The following VAT1L variants were observed in gnomAD, a reference collection of about 807,000 sequenced individuals.
The protein encoded by VAT1L is putative NADPH-dependent quinone oxidoreductase VAT1L.
VAT1L carries 34 observed loss-of-function variants against 44.1 expected under a neutral mutation model. That is an observed-to-expected ratio of 0.77 (90% CI 0.59 to 1.03). The LOEUF is 1.03. VAT1L is among the 50% of genes least tolerant of loss of function. The pLI, the probability that VAT1L is intolerant of heterozygous loss-of-function variation, is 0.00. For synonymous variants in VAT1L, 253 were observed against 202.2 expected, an observed-to-expected ratio of 1.25 and a Z score of -2.13; for missense variants, 615 against 538.8, an observed-to-expected ratio of 1.14 and a Z score of -1.40.
At chr16:77,935,427 T>C (rs2017782426) in intron 7 of VAT1L, among the ~76,000 whole-genome samples, 2 of 151,970 alleles carry the variant, frequency 1.3e-5, no homozygotes, top group South Asian at 4.2e-4. Context: ...GAGAATTTTT[T>C]TTCAAATACC....
intron 7 of VAT1L, among the ~76,000 whole-genome samples, chr16:77,971,518 TCTGA>T (rs2018277672): frequency 6.6e-6 from 1 of 152,254 alleles, no homozygotes; most frequent in African/African-American, 2.4e-5. Context: ...CAAAATCTAA[TCTGA>T]CTAATGCACC....
chr16:77,849,625 G>C (rs1265293827), intron 3 of VAT1L, among the ~76,000 whole-genome samples: 1 of 152,196 alleles, frequency 6.6e-6, no homozygotes, highest in Non-Finnish European at 1.5e-5. Context: ...GCTTTGAAAA[G>C]GGTCCTGTCC....
At chr16:77,970,906 A>T (rs994518254) in intron 7 of VAT1L, among the ~76,000 whole-genome samples, 7 of 152,374 alleles carry the variant, frequency 4.6e-5, no homozygotes, top group African/African-American at 1.7e-4. Context: ...TAACCATAGC[A>T]TCTAGGCTAG....
chr16:77,837,301 G>C (rs1026087982), intron 3 of VAT1L, among the ~76,000 whole-genome samples: 2 of 152,176 alleles, frequency 1.3e-5, no homozygotes, highest in Non-Finnish European at 2.9e-5. Context: ...TTGGTGCCTG[G>C]AGCTACCTTG....
chr16:77,877,237 G>A (rs375564529), intron 5 of VAT1L, among the ~76,000 whole-genome samples: 14 of 152,192 alleles, frequency 9.2e-5, no homozygotes, highest in African/African-American at 2.6e-4. Flanking sequence ...CAGGCCGGGC[G>A]CAGTGGCTCA....
At chr16:77,960,793 C>T (rs1182126374) in intron 7 of VAT1L, among the ~76,000 whole-genome samples, 1 of 152,088 alleles carries the variant, frequency 6.6e-6, no homozygotes, top group East Asian at 1.9e-4. Context: ...GGCTTCCAGC[C>T]ACCCCACCTC....
At chr16:77,858,909 G>C (rs1392772673) in intron 3 of VAT1L, among the ~76,000 whole-genome samples, 1 of 152,120 alleles carries the variant, frequency 6.6e-6, no homozygotes, top group Non-Finnish European at 1.5e-5. Context: ...GCCGAGGCGG[G>C]CGGGTCACCT....
intron 1 of VAT1L, among the ~76,000 whole-genome samples, chr16:77,815,811 T>G (rs968676948): frequency 6.6e-6 from 1 of 150,784 alleles, no homozygotes; most frequent in African/African-American, 2.4e-5. Context: ...CTACTAAAAA[T>G]ACAAAAATTA....
At chr16:77,957,931 A>T (rs1302982923) in intron 7 of VAT1L, among the ~76,000 whole-genome samples, 1 of 151,964 alleles carries the variant, frequency 6.6e-6, no homozygotes, top group Non-Finnish European at 1.5e-5. Context: ...TTTTTGAGAC[A>T]GGGGCTTGCT....
At chr16:77,909,911 C>T (rs535079478) in intron 7 of VAT1L, among the ~76,000 whole-genome samples, 48 of 152,220 alleles carry the variant, frequency 3.2e-4, no homozygotes, top group African/African-American at 1.1e-3. Flanking sequence ...CTTCTTGCCT[C>T]GTAAGAACGG....
At chr16:77,854,142 A>T (rs936309724) in intron 3 of VAT1L, among the ~76,000 whole-genome samples, 2 of 151,972 alleles carry the variant, frequency 1.3e-5, no homozygotes, top group Non-Finnish European at 2.9e-5. Flanking sequence ...GAAAAAAAAA[A>T]AATTGCCCAT....
At chr16:77,909,024 A>G (rs2017470864) in intron 7 of VAT1L, among the ~76,000 whole-genome samples, 3 of 152,324 alleles carry the variant, frequency 2.0e-5, no homozygotes, top group Admixed American at 6.5e-5. Context: ...ACATACAGCA[A>G]TGATGATAAT....
chr16:77,833,606 C>A (rs946414702), intron 3 of VAT1L, among the ~76,000 whole-genome samples: 1 of 152,090 alleles, frequency 6.6e-6, no homozygotes, highest in Admixed American at 6.5e-5. Flanking sequence ...CAAAAATTAG[C>A]TGGGCATGGT....
At chr16:77,964,778 A>ATTTTTTTTTT in intron 7 of VAT1L, among the ~76,000 whole-genome samples, 1 of 89,782 alleles carries the variant, frequency 1.1e-5, no homozygotes, top group Non-Finnish European at 2.0e-5. Flanking sequence ...CCTTTGTAGC[A>ATTTTTTTTTT]CTTTTTTTTT....
Position 77,788,779 on chromosome 16 carries a change from T to C in VAT1L, c.97T>C (p.Ser33Pro). The change falls in exon 1 of 9, where the codon TCG (serine) becomes CCG (proline). Residue 33 changes from serine (S) to proline (P), a missense_variant. By Grantham distance (74) the Ser-to-Pro change is moderately conservative (BLOSUM62 -1). Coordinates refer to ENST00000302536, the MANE Select transcript of VAT1L (RefSeq NM_020927.3). ...GGCGGAGGGCGGCGGCGGCGACGGCTCGCACCGCCTCGGGGACGCCCAGGA... is the reference window on the plus strand; with the variant it reads ...GGCGGAGGGCGGCGGCGGCGACGGCCCGCACCGCCTCGGGGACGCCCAGGA... ...EPAEGGGGDG[S>P]HRLGDAQEMR... 2 of 1,563,654 alleles carry C rather than the reference T, an allele frequency of 1.3e-6. No individual in the cohort carries two copies. The highest frequency in any genetic ancestry group is 1.7e-6 in the Non-Finnish European group (2 of 1,154,704).
At chr16:77,860,264 C>G (rs1285757073) in intron 3 of VAT1L, among the ~76,000 whole-genome samples, 2 of 152,140 alleles carry the variant, frequency 1.3e-5, no homozygotes, top group Admixed American at 1.3e-4. Flanking sequence ...CACTAGGAAA[C>G]TGACTTAGGG....
intron 4 of VAT1L, among the ~76,000 whole-genome samples, chr16:77,874,188 A>T (rs945584459): frequency 1.2e-4 from 19 of 152,084 alleles, no homozygotes; most frequent in African/African-American, 4.6e-4. Flanking sequence ...GCTGCTTCTG[A>T]CCACAGGTGG....
At chr16:77,809,790 T>A (rs1247555532) in intron 1 of VAT1L, among the ~76,000 whole-genome samples, 1 of 152,210 alleles carries the variant, frequency 6.6e-6, no homozygotes, top group Non-Finnish European at 1.5e-5. Context: ...CATAGAATCA[T>A]GAGAGCTCCA....
At chr16:77,976,887 T>A (rs1341967500) in intron 8 of VAT1L, among the ~76,000 whole-genome samples, 3 of 152,134 alleles carry the variant, frequency 2.0e-5, no homozygotes, top group African/African-American at 7.2e-5. Flanking sequence ...GAAACTATAT[T>A]CCAGTTGGGG....
Sources: allele counts gnomAD v4.1 joint callset (sites outside exome capture counted in the v4.1 genomes callset), GRCh38; gene constraint gnomAD v4.1.1; transcripts MANE v1.5; gene names NCBI Gene and HGNC (gene_info 2026-07-23, HGNC 2026-07-21).